Variants in SHC4 observed in about 807,000 individuals in gnomAD.
SHC4 encodes SHC-transforming protein 4.
Under a neutral mutation model 69.4 loss-of-function variants are expected in SHC4, and 41 were observed. The ratio of observed to expected loss-of-function variants is 0.59; its 90% confidence interval spans 0.46 to 0.77. SHC4 has a LOEUF of 0.77. Among genes scored for constraint, SHC4 ranks in the 30% least tolerant of loss-of-function variants. The pLI is 0.00. For synonymous variants in SHC4, 318 were observed against 299.3 expected, an observed-to-expected ratio of 1.06 and a Z score of -0.64; for missense variants, 777 against 783.8, an observed-to-expected ratio of 0.99 and a Z score of 0.10.
At chr15:48,865,624 T>C (rs2140989476) in intron 6 of SHC4, among the ~76,000 whole-genome samples, 1 of 152,348 alleles carries the variant, frequency 6.6e-6, no homozygotes, top group East Asian at 1.9e-4. Context: ...GAAATAATTA[T>C]GATTCCAACC....
chr15:48,883,225 A>G (rs1022032247), intron 4 of SHC4, among the ~76,000 whole-genome samples: 2 of 152,148 alleles, frequency 1.3e-5, no homozygotes, highest in Admixed American at 6.5e-5. Context: ...CATGCTATAT[A>G]ATTTACATCT....
chr15:48,851,300 A>C, intron 8 of SHC4, 52 bp from the exon 9 acceptor site: 1 of 1,562,926 alleles, frequency 6.4e-7, no homozygotes. Flanking sequence ...CACATTCATA[A>C]ACTTAAAAGA....
At chr15:48,912,893 T>G (rs559313311) in intron 2 of SHC4, among the ~76,000 whole-genome samples, 1 of 152,112 alleles carries the variant, frequency 6.6e-6, no homozygotes, top group East Asian at 1.9e-4. Context: ...TCTACCTGGC[T>G]CTGGGCTGGT....
chr15:48,836,876 G>C (rs1898909230), intron 10 of SHC4, among the ~76,000 whole-genome samples: 1 of 152,156 alleles, frequency 6.6e-6, no homozygotes, highest in Non-Finnish European at 1.5e-5. Flanking sequence ...TAAATCTAAT[G>C]GCTGGAAACA....
intron 6 of SHC4, among the ~76,000 whole-genome samples, chr15:48,862,457 T>C (rs552983694): frequency 6.6e-6 from 1 of 152,254 alleles, no homozygotes; most frequent in South Asian, 2.1e-4. Flanking sequence ...TTTGATAAAA[T>C]GAAGAGTTCA....
At chr15:48,956,410 GC>G (rs1901454728) in intron 1 of SHC4, among the ~76,000 whole-genome samples, 1 of 152,084 alleles carries the variant, frequency 6.6e-6, no homozygotes, top group Admixed American at 6.5e-5. Flanking sequence ...GTGTGGCAAG[GC>G]CTTTTTCTCT....
intron 9 of SHC4, among the ~76,000 whole-genome samples, chr15:48,848,001 T>TAAAAAAAAAAAAAA (rs571529935): frequency 1.0e-5 from 1 of 99,834 alleles, no homozygotes; most frequent in Non-Finnish European, 2.1e-5. Flanking sequence ...AAACTCCGTC[T>TAAAAAAAAAAAAAA]AAAAAAAAAA....
chr15:48,846,957 A>G (rs1899104776), intron 9 of SHC4, among the ~76,000 whole-genome samples: 1 of 151,670 alleles, frequency 6.6e-6, no homozygotes, highest in Admixed American at 6.6e-5. Flanking sequence ...TCTCTTGAAA[A>G]CTGCCACCTT....
chr15:48,875,127 T>TA (rs1489803448), intron 4 of SHC4, among the ~76,000 whole-genome samples: 1 of 152,226 alleles, frequency 6.6e-6, no homozygotes, highest in African/African-American at 2.4e-5. Flanking sequence ...CTACTTAAAA[T>TA]ACCAGTTCAT....
intron 6 of SHC4, among the ~76,000 whole-genome samples, chr15:48,860,819 T>C (rs1319726375): frequency 6.6e-6 from 1 of 152,258 alleles, no homozygotes; most frequent in Non-Finnish European, 1.5e-5. Flanking sequence ...AGTCACTTTA[T>C]GGCAAGGTCC....
chr15:48,899,961 T>C (rs866670056), intron 2 of SHC4, among the ~76,000 whole-genome samples: 10 of 152,306 alleles, frequency 6.6e-5, no homozygotes, highest in African/African-American at 7.2e-5. Flanking sequence ...TTAAACCTAC[T>C]TGGACTCGTT....
At chr15:48,848,026 A>C (rs1045248245) in intron 9 of SHC4, among the ~76,000 whole-genome samples, 1 of 150,606 alleles carries the variant, frequency 6.6e-6, no homozygotes, top group African/African-American at 2.4e-5. Flanking sequence ...AACAAAAAAA[A>C]CAAACAAAAA....
intron 1 of SHC4, among the ~76,000 whole-genome samples, chr15:48,941,572 C>G (rs535266566): frequency 6.6e-6 from 1 of 151,970 alleles, no homozygotes; most frequent in South Asian, 2.1e-4. Context: ...GAAATAATGG[C>G]GAGATCACAG....
chr15:48,863,857 A>G (rs1210940014), intron 6 of SHC4, among the ~76,000 whole-genome samples: 1 of 152,066 alleles, frequency 6.6e-6, no homozygotes, highest in African/African-American at 2.4e-5. Flanking sequence ...CTGTCCATCC[A>G]CTTAATGGCT....
chr15:48,927,132 GA>G (rs1900868274), intron 1 of SHC4, among the ~76,000 whole-genome samples: 1 of 152,220 alleles, frequency 6.6e-6, no homozygotes, highest in Non-Finnish European at 1.5e-5. Flanking sequence ...GCCCATCTCA[GA>G]ATTGTCAAGA....
In SHC4 at chr15:48,962,791, C is replaced by A; in HGVS notation, c.225G>T (p.Pro75=). Residue 75 remains proline (P), a synonymous_variant, in exon 1 of 12, where the codon CCG becomes CCT. Transcript: ENST00000332408. The stretch of plus-strand genomic sequence containing the variant: ...ACAGTGGGGTGGGGCTCTCCTGCGA[C>A]GGCAAGGTGGCATCTTCAGTCGGCA... ...PHLPTEDATL[P]SQESPTPLCT... 1 of 1,611,264 alleles carries A rather than the reference C, an allele frequency of 6.2e-7. No individual in the cohort carries two copies. Among genetic ancestry groups the A allele is most frequent in the Non-Finnish European group, 8.5e-7 (1 of 1,179,308 alleles).
At chr15:48,898,598 C>G (rs143965978) in intron 2 of SHC4, among the ~76,000 whole-genome samples, 1 of 152,240 alleles carries the variant, frequency 6.6e-6, no homozygotes. Context: ...CTGTCTACTT[C>G]GTGATTCTGC....
chr15:48,898,512 G>A (rs531187580), intron 2 of SHC4, among the ~76,000 whole-genome samples: 1 of 152,332 alleles, frequency 6.6e-6, no homozygotes, highest in African/African-American at 2.4e-5. Context: ...CTGTTCACCT[G>A]AATTGTACTT....
intron 2 of SHC4, among the ~76,000 whole-genome samples, chr15:48,919,752 G>A (rs543395595): frequency 6.6e-5 from 10 of 152,080 alleles, no homozygotes; most frequent in Admixed American, 4.6e-4. Context: ...TCCTTAGATA[G>A]GACTTCCTGA....
Sources: gnomAD v4.1 joint callset for allele counts (sites outside exome capture counted in the v4.1 genomes callset) on GRCh38, gnomAD v4.1.1 for gene constraint, MANE v1.5 for transcripts, NCBI Gene and HGNC (gene_info 2026-07-23, HGNC 2026-07-21) for gene names.